Variants in GAS7 observed in about 807,000 individuals in gnomAD.
GAS7 encodes the protein growth arrest specific 7.
In GAS7, 28 loss-of-function variants were observed where a neutral mutation model predicts 71.1. The observed-to-expected ratio is 0.39, with a 90% confidence interval of 0.29 to 0.54. The LOEUF is 0.54. GAS7 is among the 20% of genes least tolerant of loss of function. The probability of loss-of-function intolerance (pLI) is 0.62; values close to 1 mark genes in which losing one functional copy is unlikely to be tolerated. For missense variants in GAS7, 436 were observed against 627.8 expected, an observed-to-expected ratio of 0.69 and a Z score of 3.27; for synonymous variants, 258 against 245.8, an observed-to-expected ratio of 1.05 and a Z score of -0.46.
chr17:9,992,678 T>G (rs1404942628), intron 2 of GAS7, among the ~76,000 whole-genome samples: 1 of 151,980 alleles, frequency 6.6e-6, no homozygotes, highest in African/African-American at 2.4e-5. Flanking sequence ...TATGTATACA[T>G]GTGCCATGCT....
At chr17:10,077,960 T>C (rs910681436) in intron 1 of GAS7, among the ~76,000 whole-genome samples, 4 of 152,196 alleles carry the variant, frequency 2.6e-5, no homozygotes, top group Admixed American at 6.5e-5. Flanking sequence ...ACAGAGCAAA[T>C]AGATGCTTCT....
chr17:10,150,421 CA>C (rs1186378853), intron 1 of GAS7, among the ~76,000 whole-genome samples: 9 of 71,518 alleles, frequency 1.3e-4, no homozygotes, highest in African/African-American at 6.0e-4. Context: ...TAAGTACACA[CA>C]CACACACACA....
chr17:10,016,384 C>CAAAAAAAAA (rs1217937101), intron 2 of GAS7, among the ~76,000 whole-genome samples: 2 of 71,412 alleles, frequency 2.8e-5, no homozygotes, highest in African/African-American at 5.4e-5. Context: ...GACTCCGTCT[C>CAAAAAAAAA]AAAAAAAAAA....
intron 5 of GAS7, 79 bp from the exon 6 acceptor site, chr17:9,947,062 G>A (rs1055178896): frequency 2.5e-5 from 23 of 906,214 alleles, no homozygotes; most frequent in African/African-American, 1.3e-4. Flanking sequence ...TGGGGGACAC[G>A]GCACTGGAGC....
In GAS7 at chr17:10,163,111, A is replaced by C. The variant is rs1004805451; in HGVS notation, c.183+35097T>G. Among the ~76,000 whole-genome samples, 15 of 152,282 alleles carry C rather than the reference A, an allele frequency of 9.9e-5. 2 individuals carry two copies. Among genetic ancestry groups the C allele is most frequent in the Admixed American group, 6.5e-4 (10 of 15,290 alleles). On this transcript the variant is annotated intron_variant, in intron 1 of 13. Transcript: ENST00000432992. ...AAACCCTGTCTCTACAAAGAAAAAA[A>C]AATTATTTTTCTTTGTAGAGACTGG... is the stretch of plus-strand genomic sequence containing the variant.
chr17:10,007,652 A>G (rs1268698025), intron 2 of GAS7, among the ~76,000 whole-genome samples: 2 of 144,966 alleles, frequency 1.4e-5, no homozygotes, highest in African/African-American at 2.6e-5. Context: ...AAAAAAAAAG[A>G]ACAGTTTCTA....
intron 2 of GAS7, among the ~76,000 whole-genome samples, chr17:9,985,645 T>C (rs1177393910): frequency 1.3e-5 from 2 of 152,234 alleles, no homozygotes; most frequent in African/African-American, 2.4e-5. Flanking sequence ...CAGAGGCTCA[T>C]AGCTGAGTCC....
intron 1 of GAS7, among the ~76,000 whole-genome samples, chr17:10,122,350 G>A (rs909787353): frequency 2.0e-5 from 3 of 152,026 alleles, no homozygotes; most frequent in Admixed American, 6.6e-5. Flanking sequence ...TCCCAGACAC[G>A]TGCACACTGA....
intron 8 of GAS7, among the ~76,000 whole-genome samples, chr17:9,937,962 G>A (rs1443329034): frequency 1.3e-5 from 2 of 152,090 alleles, no homozygotes. Context: ...AAAAGTGATC[G>A]ATCCAGGCGC....
intron 1 of GAS7, among the ~76,000 whole-genome samples, chr17:10,024,115 C>T (rs540440573): frequency 3.9e-4 from 59 of 152,056 alleles, no homozygotes; most frequent in Non-Finnish European, 4.4e-4. Flanking sequence ...CAGAGTGAGA[C>T]TCTGTTTCAA....
intron 1 of GAS7, among the ~76,000 whole-genome samples, chr17:10,037,234 T>C (rs1274501671): frequency 6.6e-6 from 1 of 152,188 alleles, no homozygotes; most frequent in African/African-American, 2.4e-5. Flanking sequence ...AGTCATTAGT[T>C]ACAAGTGGAG....
At chr17:10,193,625 A>AC (rs1597847564) in intron 1 of GAS7, among the ~76,000 whole-genome samples, 1 of 152,342 alleles carries the variant, frequency 6.6e-6, no homozygotes, top group East Asian at 1.9e-4. Context: ...GAAGCCAGCT[A>AC]CCACATAACT....
intron 2 of GAS7, among the ~76,000 whole-genome samples, chr17:10,011,705 G>A (rs1037716698): frequency 2.0e-5 from 3 of 152,276 alleles, no homozygotes; most frequent in East Asian, 1.9e-4. Context: ...GGCCGGGTGC[G>A]GTGGCTCATG....
chr17:9,960,243 G>A (rs575910497), intron 4 of GAS7, among the ~76,000 whole-genome samples: 1 of 151,508 alleles, frequency 6.6e-6, no homozygotes, highest in South Asian at 2.1e-4. Context: ...AGGTTGGAGT[G>A]CAGTGGCGTG....
chr17:10,190,496 C>A (rs2074489956), intron 1 of GAS7, among the ~76,000 whole-genome samples: 1 of 151,016 alleles, frequency 6.6e-6, no homozygotes, highest in African/African-American at 2.4e-5. Context: ...AGGAGAATCG[C>A]TTGAACCCAG....
chr17:10,167,555 G>GT (rs2074305105), intron 1 of GAS7, among the ~76,000 whole-genome samples: 1 of 152,180 alleles, frequency 6.6e-6, no homozygotes, highest in Non-Finnish European at 1.5e-5. Context: ...ATTTCAACCT[G>GT]TTTAGAGGGC....
chr17:10,179,604 T>C, intron 1 of GAS7, among the ~76,000 whole-genome samples: 1 of 152,088 alleles, frequency 6.6e-6, no homozygotes, highest in East Asian at 1.9e-4. Flanking sequence ...TTGGTTTAAG[T>C]TTGTGGTCCA....
Position 9,913,665 on chromosome 17 carries a change from G to A in GAS7, c.*3563C>T. On this transcript the variant is annotated 3_prime_UTR_variant, in exon 14 of 14. Coordinates refer to ENST00000432992, the MANE Select transcript of GAS7 (RefSeq NM_201433.2). ...CAGGGTGCTGAGTGGAGGTAGAAAG[G>A]AGGCCCAGGGTGGTCCCACTGACAG... 4.3e-6 allele frequency: 1 copy of A among 231,000 alleles called. No individual in the cohort carries two copies. Among genetic ancestry groups the A allele is most frequent in the Non-Finnish European group, 8.6e-6 (1 of 116,680 alleles). 14.3% of individuals were successfully genotyped at this position (231,000 alleles called of 1,614,324 possible).
At chr17:9,967,675 A>G (rs1203034235) in intron 4 of GAS7, among the ~76,000 whole-genome samples, 1 of 152,152 alleles carries the variant, frequency 6.6e-6, no homozygotes, top group Non-Finnish European at 1.5e-5. Flanking sequence ...TTTCTTCAGA[A>G]GCATGCTTGC....
Sources: gnomAD v4.1 joint callset for allele counts (sites outside exome capture counted in the v4.1 genomes callset) on GRCh38, gnomAD v4.1.1 for gene constraint, MANE v1.5 for transcripts, NCBI Gene and HGNC (gene_info 2026-07-23, HGNC 2026-07-21) for gene names.